AGBL4: variants seen among roughly 807,000 people sequenced by gnomAD.
AGBL4 encodes the protein cytosolic carboxypeptidase 6.
AGBL4 carries 58 observed loss-of-function variants against 66.4 expected under a neutral mutation model. The observed-to-expected ratio is 0.87, with a 90% CI of 0.71 to 1.09. The LOEUF (loss-of-function observed/expected upper bound fraction) is 1.09, where lower values mean the gene tolerates loss of function less well. Ranked by LOEUF, AGBL4 falls within the 50% of genes least tolerant of loss-of-function variation. AGBL4 has a pLI of 0.00. For missense variants in AGBL4, 579 were observed against 631.0 expected, an observed-to-expected ratio of 0.92 and a Z score of 0.88; for synonymous variants, 234 against 222.9, an observed-to-expected ratio of 1.05 and a Z score of -0.44.
intron 9 of AGBL4, among the ~76,000 whole-genome samples, chr1:48,592,086 G>A (rs1644927136): frequency 6.6e-6 from 1 of 152,176 alleles, no homozygotes; most frequent in South Asian, 2.1e-4. Context: ...TATCAGCCCA[G>A]CTTATATCCA....
chr1:48,642,420 G>A (rs568592910), intron 8 of AGBL4, among the ~76,000 whole-genome samples: 2 of 152,140 alleles, frequency 1.3e-5, no homozygotes, highest in South Asian at 4.2e-4. Context: ...ATATACTCCA[G>A]GGATTCATCC....
At chr1:49,843,058 C>A (rs1418869116) in intron 2 of AGBL4, among the ~76,000 whole-genome samples, 22 of 152,142 alleles carry the variant, frequency 1.4e-4, no homozygotes. Context: ...CCATTGGCAT[C>A]AGGTGGGAAG....
intron 3 of AGBL4, among the ~76,000 whole-genome samples, chr1:49,489,679 A>C (rs1042244988): frequency 2.0e-5 from 3 of 151,850 alleles, no homozygotes; most frequent in African/African-American, 7.2e-5. Context: ...CTTAGCTTTA[A>C]ATTTTTAATC....
chr1:48,739,718 C>T (rs1285224347), intron 6 of AGBL4, among the ~76,000 whole-genome samples: 1 of 152,202 alleles, frequency 6.6e-6, no homozygotes, highest in Non-Finnish European at 1.5e-5. Context: ...TGTAAAGTGT[C>T]AGGAGGACAC....
chr1:49,235,997 G>GATTGATTTATTT (rs1553169455), intron 4 of AGBL4, among the ~76,000 whole-genome samples: 1 of 148,394 alleles, frequency 6.7e-6, no homozygotes, highest in Non-Finnish European at 1.5e-5. Context: ...CATTTTGAAG[G>GATTGATTTATTT]ATTTATTTAT....
At chr1:48,786,737 G>A (rs1372626997) in intron 6 of AGBL4, among the ~76,000 whole-genome samples, 2 of 152,148 alleles carry the variant, frequency 1.3e-5, no homozygotes, top group African/African-American at 4.8e-5. Context: ...TATATCCTCT[G>A]CTGATGGCCA....
At chr1:49,740,546 A>G (rs1284153215) in intron 2 of AGBL4, among the ~76,000 whole-genome samples, 5 of 152,204 alleles carry the variant, frequency 3.3e-5, no homozygotes, top group African/African-American at 7.2e-5. Context: ...TGCACCAAGC[A>G]GACCTAATAG....
Position 48,545,302 on chromosome 1 carries a change from A to AT in AGBL4, c.1268-5565dup, listed in dbSNP as rs145167507. Reference sequence around the variant, plus strand: ...AAAAGCCAGTGTTTTAAAAATGGGCATTTTCTGGGACAACTCTCTTTCCCT... The same window carrying AT: ...AAAAGCCAGTGTTTTAAAAATGGGCATTTTTCTGGGACAACTCTCTTTCCCT... On this transcript the variant is annotated intron_variant, in intron 11 of 13. Transcript: ENST00000371839. 4.5e-4 allele frequency among the ~76,000 whole-genome samples: 69 copies of AT among 152,038 alleles called. No individual in the cohort carries two copies. The East Asian group carries it at 0.011, about 24-fold the overall frequency.
intron 4 of AGBL4, among the ~76,000 whole-genome samples, chr1:49,088,312 C>A (rs1334651640): frequency 1.3e-5 from 2 of 152,086 alleles, no homozygotes; most frequent in African/African-American, 4.8e-5. Flanking sequence ...GAATGCCCAA[C>A]CGTATGCTGT....
chr1:49,441,670 C>G (rs967572094), intron 3 of AGBL4, among the ~76,000 whole-genome samples: 3 of 152,230 alleles, frequency 2.0e-5, no homozygotes, highest in African/African-American at 7.2e-5. Flanking sequence ...TGTCAGATCT[C>G]ACAGTGGGAA....
At chr1:49,568,523 A>ACACACACACACACACAC (rs56393842) in intron 3 of AGBL4, among the ~76,000 whole-genome samples, 1 of 151,448 alleles carries the variant, frequency 6.6e-6, no homozygotes, top group Non-Finnish European at 1.5e-5. Flanking sequence ...ACACACACAC[A>ACACACACACACACACAC]AATGCCATGC....
Position 49,949,017 on chromosome 1 carries a change from A to C in AGBL4, c.34+74746T>G, listed in dbSNP as rs1444899561. ...AAATAGGCACATAGACCAATGGAAC[A>C]TAATAGTGAACCCAGAAATAAACCC... On this transcript the variant is annotated intron_variant, in intron 1 of 13. Transcript: ENST00000371839. Among the ~76,000 whole-genome samples the C allele has an allele frequency of 1.3e-5, 2 of 151,878 alleles. 1 individual carries two copies. The highest frequency in any genetic ancestry group is 4.1e-4 in the South Asian group (2 of 4,834).
At chr1:48,734,647 T>C (rs1648728998) in intron 6 of AGBL4, among the ~76,000 whole-genome samples, 2 of 152,192 alleles carry the variant, frequency 1.3e-5, no homozygotes, top group Non-Finnish European at 2.9e-5. Context: ...CTGCTGCTTA[T>C]TCTGCCTGAT....
At chr1:49,944,931 T>C (rs1341448622) in intron 1 of AGBL4, among the ~76,000 whole-genome samples, 1 of 151,688 alleles carries the variant, frequency 6.6e-6, no homozygotes, top group African/African-American at 2.4e-5. Flanking sequence ...CTAGAAAGTC[T>C]CAGCAATAAA....
chr1:49,549,699 T>C (rs1480207372), intron 3 of AGBL4, among the ~76,000 whole-genome samples: 1 of 152,206 alleles, frequency 6.6e-6, no homozygotes, highest in South Asian at 2.1e-4. Context: ...TTATGGCCTA[T>C]AATATGGTCT....
At chr1:49,874,704 A>G (rs1446987848) in intron 1 of AGBL4, among the ~76,000 whole-genome samples, 2 of 152,102 alleles carry the variant, frequency 1.3e-5, no homozygotes, top group African/African-American at 4.8e-5. Flanking sequence ...ATCTTAATTT[A>G]TCATTATCAA....
chr1:49,592,286 A>G (rs543859290), intron 3 of AGBL4, among the ~76,000 whole-genome samples: 14 of 152,156 alleles, frequency 9.2e-5, no homozygotes, highest in Non-Finnish European at 1.2e-4. Flanking sequence ...AAAAACATGA[A>G]CAGGCTGGGC....
intron 5 of AGBL4, among the ~76,000 whole-genome samples, chr1:48,996,966 A>G (rs185347814): frequency 1.3e-5 from 2 of 152,316 alleles, no homozygotes; most frequent in Admixed American, 1.3e-4. Flanking sequence ...TCTGTCACAC[A>G]GCCTGGAGTG....
At chr1:49,729,721 C>G (rs1649288416) in intron 2 of AGBL4, among the ~76,000 whole-genome samples, 1 of 152,118 alleles carries the variant, frequency 6.6e-6, no homozygotes. Flanking sequence ...AAAAAAGAAA[C>G]AGACTGTTTC....
Sources: allele counts gnomAD v4.1 joint callset (sites outside exome capture counted in the v4.1 genomes callset), GRCh38; gene constraint gnomAD v4.1.1; transcripts MANE v1.5; gene names NCBI Gene and HGNC (gene_info 2026-07-23, HGNC 2026-07-21).